Variants in TBL1XR1 observed in about 807,000 individuals in gnomAD.
The protein encoded by TBL1XR1 is F-box-like/WD repeat-containing protein TBL1XR1.
In TBL1XR1, 5 loss-of-function variants were observed where a neutral mutation model predicts 66.9. The ratio of observed to expected loss-of-function variants is 0.07; its 90% CI spans 0.04 to 0.16. TBL1XR1 has a LOEUF of 0.16. Among genes scored for constraint, TBL1XR1 ranks in the 10% least tolerant of loss-of-function variants. The pLI is 1.00. For synonymous variants in TBL1XR1, 210 were observed against 206.0 expected (o/e 1.02, Z -0.17); for missense variants, 238 against 623.2 (o/e 0.38, Z 6.58).
At chr3:177,102,569 ATATTGAAAC>A (rs760420084) in intron 1 of TBL1XR1, among the ~76,000 whole-genome samples, 80 of 152,364 alleles carry the variant, frequency 5.3e-4, no homozygotes, top group African/African-American at 1.4e-3. Flanking sequence ...CTGACAATGT[ATATTGAAAC>A]TATTGAAACT....
At chr3:177,060,110 C>T (rs552080991) in intron 3 of TBL1XR1, among the ~76,000 whole-genome samples, 2 of 152,146 alleles carry the variant, frequency 1.3e-5, no homozygotes, top group Non-Finnish European at 2.9e-5. Flanking sequence ...CCACCAGTGG[C>T]TTCCTTGCCC....
intron 3 of TBL1XR1, among the ~76,000 whole-genome samples, chr3:177,062,084 A>G (rs1718586922): frequency 6.6e-6 from 1 of 152,162 alleles, no homozygotes; most frequent in African/African-American, 2.4e-5. Flanking sequence ...TAAATATCTC[A>G]TGGCACCCTT....
At chr3:177,150,050 A>T (rs1730701169) in intron 1 of TBL1XR1, among the ~76,000 whole-genome samples, 1 of 152,186 alleles carries the variant, frequency 6.6e-6, no homozygotes, top group Non-Finnish European at 1.5e-5. Context: ...AATTTATTCA[A>T]TATTTAAACC....
chr3:177,135,333 G>GTGTGTGTGTGTGTGTGTATACA (rs1560213907), intron 1 of TBL1XR1, among the ~76,000 whole-genome samples: 1 of 53,818 alleles, frequency 1.9e-5, no homozygotes, highest in Non-Finnish European at 3.7e-5. Context: ...GTGTGTGTGT[G>GTGTGTGTGTGTGTGTGTATACA]TATACATATA....
chr3:177,112,088 TATA>T (rs1725655182), intron 1 of TBL1XR1, among the ~76,000 whole-genome samples: 1 of 51,394 alleles, frequency 1.9e-5, no homozygotes, highest in East Asian at 8.0e-4. Context: ...TATATATATA[TATA>T]TATATATATA....
At chr3:177,175,818 G>T (rs1376005860) in intron 1 of TBL1XR1, among the ~76,000 whole-genome samples, 6 of 152,076 alleles carry the variant, frequency 3.9e-5, no homozygotes, top group Non-Finnish European at 8.8e-5. Context: ...TAGCACTTTG[G>T]GAGGCCGAGG....
Position 177,025,355 on chromosome 3 carries a change from C to G in TBL1XR1, c.*143G>C. The G allele has an allele frequency of 1.4e-6, 1 of 696,226 alleles. No individual in the cohort carries two copies. Among genetic ancestry groups the G allele is most frequent in the South Asian group, 2.6e-5 (1 of 38,178 alleles). The allele number at this position is 696,226 out of a possible 1,614,324, so 43.1% of individuals were successfully genotyped here. A position where few individuals can be genotyped will look rare whatever the true frequency, so the allele number is the denominator to read the frequency against. On this transcript the variant is annotated 3_prime_UTR_variant, in exon 16 of 16. Transcript: ENST00000457928. Reference sequence around the variant, plus strand: ...TTCAGGGTGCAATTTTGTTTATATACACTGTATGTATATATTTCTTTTAGA... The same window carrying G: ...TTCAGGGTGCAATTTTGTTTATATAGACTGTATGTATATATTTCTTTTAGA...
intron 2 of TBL1XR1, among the ~76,000 whole-genome samples, chr3:177,074,350 A>G (rs774524015): frequency 6.6e-6 from 1 of 152,240 alleles, no homozygotes; most frequent in South Asian, 2.1e-4. Context: ...ATATTCAAGC[A>G]TAAGATAGGG....
At chr3:177,198,069 A>G (rs1195503154), upstream of TBL1XR1, among the ~76,000 whole-genome samples, 2 of 152,056 alleles carry the variant, frequency 1.3e-5, no homozygotes, top group Non-Finnish European at 2.9e-5. Flanking sequence ...GCGGCGCGGC[A>G]TCATATGGAC....
In TBL1XR1 at chr3:177,019,410, A is replaced by AG. The variant is rs774748477; in HGVS notation, c.*6087dup. Reference sequence around the variant, plus strand: ...TATTTTAAATTGTAAAGAAATTACAAGGAACTCCTAAAAAAATTTAATACA... The same window carrying AG: ...TATTTTAAATTGTAAAGAAATTACAAGGGAACTCCTAAAAAAATTTAATACA... On this transcript the variant is annotated 3_prime_UTR_variant, in exon 16 of 16. Coordinates refer to ENST00000457928, the MANE Select transcript of TBL1XR1 (RefSeq NM_024665.7). The AG allele has an allele frequency of 1.3e-5, 2 of 152,186 alleles. No homozygotes were observed. The highest frequency in any genetic ancestry group is 3.8e-4 in the East Asian group (2 of 5,204). 9.4% of individuals were successfully genotyped at this position (152,186 alleles called of 1,614,324 possible).
chr3:177,059,513 T>C (rs141409227), intron 3 of TBL1XR1, among the ~76,000 whole-genome samples: 22 of 152,270 alleles, frequency 1.4e-4, no homozygotes, highest in African/African-American at 5.1e-4. Flanking sequence ...AATATAACAT[T>C]TGAAGTAATA....
intron 1 of TBL1XR1, among the ~76,000 whole-genome samples, chr3:177,135,003 C>T (rs1226600540): frequency 1.5e-5 from 1 of 68,858 alleles, no homozygotes. Flanking sequence ...TTTGAGACGG[C>T]GTCTTGCTCT....
At chr3:177,148,897 G>A (rs1221122711) in intron 1 of TBL1XR1, among the ~76,000 whole-genome samples, 3 of 150,706 alleles carry the variant, frequency 2.0e-5, no homozygotes, top group Admixed American at 6.6e-5. Flanking sequence ...CCAGCTACTC[G>A]GGAGGCTAAG....
intron 15 of TBL1XR1, 55 bp downstream of exon 15, chr3:177,026,318 A>T (rs1713117813): frequency 4.4e-6 from 6 of 1,355,536 alleles, no homozygotes; most frequent in East Asian, 2.3e-5. Context: ...AATAAGCTGC[A>T]TTCTGATGTG....
chr3:177,171,955 T>C (rs1733569500), intron 1 of TBL1XR1, among the ~76,000 whole-genome samples: 1 of 152,022 alleles, frequency 6.6e-6, no homozygotes, highest in African/African-American at 2.4e-5. Context: ...AATCAAGTAG[T>C]GGTAACATTA....
chr3:177,183,596 C>T (rs577791855), intron 1 of TBL1XR1, among the ~76,000 whole-genome samples: 22 of 151,622 alleles, frequency 1.5e-4, no homozygotes, highest in Admixed American at 3.3e-4. Flanking sequence ...CTGCAACCTC[C>T]GCCTCCCGGG....
chr3:177,114,258 T>A (rs9845514), intron 1 of TBL1XR1, among the ~76,000 whole-genome samples: 16,093 of 151,232 alleles, frequency 0.11, 1,030 homozygotes, highest in Admixed American at 0.19. Flanking sequence ...ATCTCATATA[T>A]ATAATCATAT....
chr3:177,126,730 C>A (rs1424313394), intron 1 of TBL1XR1, among the ~76,000 whole-genome samples: 2 of 152,000 alleles, frequency 1.3e-5, no homozygotes, highest in Non-Finnish European at 2.9e-5. Flanking sequence ...ATTCTTGGCA[C>A]TGGCTCTCCA....
At chr3:177,123,186 T>A (rs1490775155) in intron 1 of TBL1XR1, among the ~76,000 whole-genome samples, 2 of 152,146 alleles carry the variant, frequency 1.3e-5, no homozygotes, top group South Asian at 2.1e-4. Context: ...ATTGTAATAG[T>A]TTTTTTAAAA....
Sources: allele counts gnomAD v4.1 joint callset (sites outside exome capture counted in the v4.1 genomes callset), GRCh38; gene constraint gnomAD v4.1.1; transcripts MANE v1.5; gene names NCBI Gene and HGNC (gene_info 2026-07-23, HGNC 2026-07-21).